The following MARCHF8 variants were observed in gnomAD, a reference collection of about 807,000 sequenced individuals.
The protein encoded by MARCHF8 is E3 ubiquitin-protein ligase MARCHF8.
MARCHF8 carries 40 observed loss-of-function variants against 51.6 expected under a neutral mutation model. That is an observed-to-expected ratio of 0.77 (90% CI 0.60 to 1.01). MARCHF8 has a LOEUF of 1.01. Among genes scored for constraint, MARCHF8 ranks in the 50% least tolerant of loss-of-function variants. MARCHF8 has a pLI of 0.00. For missense variants in MARCHF8, 685 were observed against 708.6 expected (o/e 0.97, Z 0.38); for synonymous variants, 263 against 280.3 (o/e 0.94, Z 0.62).
chr10:45,493,403 G>A (rs532894986), intron 2 of MARCHF8, among the ~76,000 whole-genome samples: 4 of 152,206 alleles, frequency 2.6e-5, no homozygotes, highest in African/African-American at 9.6e-5. Flanking sequence ...TGGAAGCCTC[G>A]CTGCATCTTC....
Position 45,501,547 on chromosome 10 carries a change from T to TA in MARCHF8, c.103-12131dup, listed in dbSNP as rs201475209. ...TATAATCTAAAACCATAAAACATTT[T>TA]AAAAAATAGGAGAAAATCTTCAGGA... On this transcript the variant is annotated intron_variant, in intron 2 of 7. Transcript: ENST00000453424. 3.7e-3 allele frequency among the ~76,000 whole-genome samples: 567 copies of TA among 152,166 alleles called. 6 individuals carry two copies. The highest frequency in any genetic ancestry group is 0.013 in the African/African-American group (526 of 41,536).
chr10:45,485,317 C>T (rs759890950), intron 3 of MARCHF8, among the ~76,000 whole-genome samples: 8 of 152,190 alleles, frequency 5.3e-5, no homozygotes, highest in Non-Finnish European at 1.0e-4. Flanking sequence ...TGACTTTGGA[C>T]CCCTTAGGAT....
intron 1 of MARCHF8, among the ~76,000 whole-genome samples, chr10:45,567,646 T>C (rs943399210): frequency 1.3e-5 from 2 of 152,192 alleles, no homozygotes; most frequent in African/African-American, 4.8e-5. Flanking sequence ...GGTCTATGGA[T>C]CTGTTTTCAT....
chr10:45,483,155 T>C (rs1162764499), intron 3 of MARCHF8, among the ~76,000 whole-genome samples: 1 of 152,186 alleles, frequency 6.6e-6, no homozygotes, highest in Non-Finnish European at 1.5e-5. Context: ...TATATTAAAC[T>C]GAAAAGCTTC....
Position 45,485,169 on chromosome 10 carries a change from T to G in MARCHF8, c.153+4198A>C, listed in dbSNP as rs186510162. On this transcript the variant is annotated intron_variant, in intron 3 of 7. Coordinates refer to ENST00000453424, the MANE Select transcript of MARCHF8 (RefSeq NM_001282866.2). ...AACCTCCAGGGCTCCATCCCATCACTGGTTCTGCAGATTTAGGGGTAAACA... is the reference window on the plus strand; with the variant it reads ...AACCTCCAGGGCTCCATCCCATCACGGGTTCTGCAGATTTAGGGGTAAACA... Among the ~76,000 whole-genome samples the G allele has an allele frequency of 8.4e-4, 128 of 152,298 alleles. 3 individuals are homozygous for G. The highest frequency in any genetic ancestry group is 7.0e-3 in the Admixed American group (107 of 15,300).
At chr10:45,511,264 G>A (rs2043495803) in intron 2 of MARCHF8, among the ~76,000 whole-genome samples, 1 of 152,060 alleles carries the variant, frequency 6.6e-6, no homozygotes, top group Non-Finnish European at 1.5e-5. Flanking sequence ...ATAAATTTCT[G>A]CCATTTTAAA....
intron 5 of MARCHF8, 61 bp downstream of exon 5, chr10:45,463,090 G>C (rs1314164752): frequency 6.7e-7 from 1 of 1,487,918 alleles, no homozygotes; most frequent in Non-Finnish European, 9.0e-7. Context: ...ACATACTAAA[G>C]CAAGAGGAGG....
intron 2 of MARCHF8, among the ~76,000 whole-genome samples, chr10:45,496,814 AT>A (rs1193448874): frequency 1.3e-5 from 2 of 151,886 alleles, no homozygotes; most frequent in African/African-American, 4.8e-5. Flanking sequence ...TAAGAAAATA[AT>A]TTTTTAAATA....
intron 1 of MARCHF8, among the ~76,000 whole-genome samples, chr10:45,541,758 G>A (rs2044055736): frequency 6.6e-6 from 1 of 152,142 alleles, no homozygotes; most frequent in South Asian, 2.1e-4. Context: ...TGGGAAGAGG[G>A]AACGTTGGGT....
At position 45,528,013 on chromosome 10, in the gene MARCHF8, G is replaced by T. The variant is rs183510034; in HGVS notation, c.102+5097C>A. ...TTAAAAACAAAAACCATATTATCTC[G>T]ATAGATACAGAAAAAGCATTTGATA... On this transcript the variant is annotated intron_variant, in intron 2 of 7. Transcript: ENST00000453424. Among the ~76,000 whole-genome samples the T allele has an allele frequency of 2.6e-5, 4 of 152,186 alleles. No individual in the cohort carries two copies. In the South Asian group the frequency reaches 8.3e-4, roughly 32 times the overall value.
At chr10:45,557,735 G>A (rs546531181) in intron 1 of MARCHF8, among the ~76,000 whole-genome samples, 20 of 152,246 alleles carry the variant, frequency 1.3e-4, no homozygotes, top group Admixed American at 9.8e-4. Flanking sequence ...ACAGCTAAGA[G>A]GAGGCCACAC....
At chr10:45,569,596 C>G (rs1305232372) in intron 1 of MARCHF8, among the ~76,000 whole-genome samples, 3 of 152,042 alleles carry the variant, frequency 2.0e-5, no homozygotes, top group African/African-American at 4.8e-5. Flanking sequence ...CCTTGTTTTT[C>G]AAAGTATGAG....
intron 1 of MARCHF8, among the ~76,000 whole-genome samples, chr10:45,565,384 T>C (rs1000138732): frequency 2.6e-5 from 4 of 151,844 alleles, no homozygotes; most frequent in Non-Finnish European, 5.9e-5. Flanking sequence ...TGTGCCAAGA[T>C]TGTGACTGCA....
At chr10:45,525,113 C>T (rs1035291757) in intron 2 of MARCHF8, among the ~76,000 whole-genome samples, 5 of 152,078 alleles carry the variant, frequency 3.3e-5, no homozygotes, top group African/African-American at 1.2e-4. Context: ...ATCACTTGAA[C>T]ATTGTGAGGT....
At chr10:45,476,671 A>AC (rs964934919) in intron 3 of MARCHF8, among the ~76,000 whole-genome samples, 3 of 151,922 alleles carry the variant, frequency 2.0e-5, no homozygotes, top group Admixed American at 6.5e-5. Flanking sequence ...AAAAAAAAAA[A>AC]CAAACAGAAA....
chr10:45,518,374 C>T (rs2043653499), intron 2 of MARCHF8, among the ~76,000 whole-genome samples: 1 of 152,170 alleles, frequency 6.6e-6, no homozygotes, highest in Non-Finnish European at 1.5e-5. Context: ...TGTGTATTCT[C>T]GCACTGCTGA....
intron 3 of MARCHF8, among the ~76,000 whole-genome samples, chr10:45,468,998 T>C (rs1302688103): frequency 2.0e-5 from 3 of 152,108 alleles, no homozygotes; most frequent in Non-Finnish European, 4.4e-5. Flanking sequence ...GGGAAGAGGT[T>C]TGTACACTGC....
chr10:45,575,162 A>G (rs963665550), intron 1 of MARCHF8, among the ~76,000 whole-genome samples: 4 of 152,154 alleles, frequency 2.6e-5, no homozygotes, highest in African/African-American at 9.7e-5. Flanking sequence ...GCAGCCATCA[A>G]AAAGTATCAG....
At chr10:45,537,987 TA>T (rs2043997234), upstream of MARCHF8, among the ~76,000 whole-genome samples, 1 of 152,192 alleles carries the variant, frequency 6.6e-6, no homozygotes, top group Admixed American at 6.5e-5. Context: ...CTAATCTAAC[TA>T]ATCTAGATGA....
Sources: allele counts gnomAD v4.1 joint callset (sites outside exome capture counted in the v4.1 genomes callset), GRCh38; gene constraint gnomAD v4.1.1; transcripts MANE v1.5; gene names NCBI Gene and HGNC (gene_info 2026-07-23, HGNC 2026-07-21).